Variants in GAS2 observed in about 807,000 individuals in gnomAD.
GAS2 encodes the protein growth arrest-specific protein 2.
In GAS2, 20 loss-of-function variants were observed where a neutral mutation model predicts 37.5. The ratio of observed to expected loss-of-function variants is 0.53; its 90% confidence interval spans 0.37 to 0.77. GAS2 has a LOEUF of 0.77. GAS2 is among the 30% of genes least tolerant of loss of function. The pLI is 0.00. For synonymous variants in GAS2, 144 were observed against 132.2 expected, an observed-to-expected ratio of 1.09 and a Z score of -0.61; for missense variants, 336 against 373.4, an observed-to-expected ratio of 0.90 and a Z score of 0.82.
intron 3 of GAS2, among the ~76,000 whole-genome samples, chr11:22,707,875 A>G (rs977903590): frequency 3.9e-5 from 6 of 152,274 alleles, no homozygotes; most frequent in African/African-American, 1.2e-4. Context: ...TGAGAACATT[A>G]AATTTAGGAA....
chr11:22,810,157 C>G (rs1035054325), intron 7 of GAS2, among the ~76,000 whole-genome samples: 10 of 152,152 alleles, frequency 6.6e-5, no homozygotes, highest in Non-Finnish European at 1.0e-4. Context: ...TCAAATCCAT[C>G]TACCTAATAG....
chr11:22,725,208 G>C (rs1852142549), intron 3 of GAS2, among the ~76,000 whole-genome samples: 1 of 151,956 alleles, frequency 6.6e-6, no homozygotes, highest in Non-Finnish European at 1.5e-5. Flanking sequence ...TTCCAAGGGA[G>C]ATTTCCTGCT....
At chr11:22,707,526 G>T (rs1296538666) in intron 3 of GAS2, among the ~76,000 whole-genome samples, 1 of 152,136 alleles carries the variant, frequency 6.6e-6, no homozygotes, top group East Asian at 1.9e-4. Flanking sequence ...ACAGACCTCT[G>T]CTGATATACT....
At chr11:22,693,943 A>G (rs928347502) in intron 3 of GAS2, among the ~76,000 whole-genome samples, 5 of 152,160 alleles carry the variant, frequency 3.3e-5, no homozygotes, top group Non-Finnish European at 4.4e-5. Flanking sequence ...GTTCTCACTT[A>G]TAAGTGGTAT....
At chr11:22,683,872 G>A (rs441382) in intron 2 of GAS2, among the ~76,000 whole-genome samples, 151,296 of 152,324 alleles carry the variant, frequency 0.99, 75,144 homozygotes, top group Middle Eastern at 1. Flanking sequence ...CTCAAGGTTT[G>A]TAACATACTA....
chr11:22,690,868 C>T (rs1261224052), intron 3 of GAS2, among the ~76,000 whole-genome samples: 1 of 152,118 alleles, frequency 6.6e-6, no homozygotes, highest in Admixed American at 6.6e-5. Context: ...TATATTTGCT[C>T]TCTTTCCCCC....
At chr11:22,737,965 T>C (rs1852846525) in intron 5 of GAS2, among the ~76,000 whole-genome samples, 197 bp downstream of exon 5, 1 of 152,204 alleles carries the variant, frequency 6.6e-6, no homozygotes, top group Admixed American at 6.5e-5. Flanking sequence ...AACCTCAAGA[T>C]CTTGTTGTCA....
intron 4 of GAS2, among the ~76,000 whole-genome samples, chr11:22,734,774 G>A (rs1341463768): frequency 6.6e-6 from 1 of 151,558 alleles, no homozygotes; most frequent in Non-Finnish European, 1.5e-5. Flanking sequence ...AAAATAATAT[G>A]ACCAGCAAGT....
chr11:22,648,101 T>G (rs1225265732), intron 1 of GAS2, among the ~76,000 whole-genome samples: 1 of 152,234 alleles, frequency 6.6e-6, no homozygotes, highest in Non-Finnish European at 1.5e-5. Context: ...GATTTTTGTA[T>G]AAGGTGTAAG....
intron 1 of GAS2, among the ~76,000 whole-genome samples, chr11:22,641,843 C>T (rs1181850332): frequency 6.6e-6 from 1 of 152,086 alleles, no homozygotes; most frequent in Non-Finnish European, 1.5e-5. Context: ...CAGTGATTCC[C>T]AAATACCTGT....
At chr11:22,789,281 C>CATATATATATATATATAT (rs1210684540) in intron 7 of GAS2, among the ~76,000 whole-genome samples, 1 of 109,872 alleles carries the variant, frequency 9.1e-6, no homozygotes, top group African/African-American at 3.8e-5. Flanking sequence ...GCCTAGATTT[C>CATATATATATATATATAT]ATATATATAT....
At chr11:22,782,601 C>G (rs1855604325) in intron 7 of GAS2, among the ~76,000 whole-genome samples, 1 of 151,812 alleles carries the variant, frequency 6.6e-6, no homozygotes, top group South Asian at 2.1e-4. Flanking sequence ...CTATTGTTCT[C>G]ATCTTTATGT....
chr11:22,714,594 G>T (rs778051957), intron 3 of GAS2, among the ~76,000 whole-genome samples: 22 of 152,008 alleles, frequency 1.4e-4, no homozygotes, highest in Non-Finnish European at 2.4e-4. Context: ...TCAACACCTG[G>T]AACATTCTCT....
At chr11:22,641,322 C>CTTTATATATA (rs56058813) in intron 1 of GAS2, among the ~76,000 whole-genome samples, 95,267 of 139,784 alleles carry the variant, frequency 0.68, 36,525 homozygotes, top group East Asian at 0.89. Context: ...ATTTATATAT[C>CTTTATATATA]TTTATATATA....
At chr11:22,776,840 A>G (rs1251545341) in intron 7 of GAS2, among the ~76,000 whole-genome samples, 2 of 152,146 alleles carry the variant, frequency 1.3e-5, no homozygotes, top group African/African-American at 4.8e-5. Flanking sequence ...GAGAAAATGT[A>G]ACATTGGTTA....
At chr11:22,787,475 G>A (rs910160174) in intron 7 of GAS2, among the ~76,000 whole-genome samples, 7 of 151,524 alleles carry the variant, frequency 4.6e-5, no homozygotes, top group Non-Finnish European at 5.9e-5. Flanking sequence ...ATACATAATT[G>A]TTGTGTGTAT....
At chr11:22,673,513 T>C (rs181395209) in intron 1 of GAS2, among the ~76,000 whole-genome samples, 1 of 152,376 alleles carries the variant, frequency 6.6e-6, no homozygotes, top group East Asian at 1.9e-4. Context: ...CATATTTATA[T>C]ACAGCGTAGA....
At chr11:22,665,131 C>A (rs948782139), upstream of GAS2, among the ~76,000 whole-genome samples, 3 of 152,048 alleles carry the variant, frequency 2.0e-5, no homozygotes, top group Non-Finnish European at 4.4e-5. Flanking sequence ...CCTGAATCAA[C>A]AAAAACATTG....
intron 1 of GAS2, among the ~76,000 whole-genome samples, chr11:22,674,294 C>A (rs191104388): frequency 1.3e-4 from 19 of 151,878 alleles, no homozygotes; most frequent in African/African-American, 4.1e-4. Flanking sequence ...GGGTGTACCT[C>A]TTCCCCTGCT....
Sources: gnomAD v4.1 joint callset for allele counts (sites outside exome capture counted in the v4.1 genomes callset) on GRCh38, gnomAD v4.1.1 for gene constraint, MANE v1.5 for transcripts, NCBI Gene and HGNC (gene_info 2026-07-23, HGNC 2026-07-21) for gene names.